DMD: variants seen among roughly 807,000 people sequenced by gnomAD.
DMD encodes mutant dystrophin.
DMD carries 63 observed loss-of-function variants against 330.1 expected under a neutral mutation model. The observed-to-expected ratio is 0.19, with a 90% CI of 0.16 to 0.24. The LOEUF is 0.24. DMD is among the 10% of genes least tolerant of loss of function. DMD has a pLI of 1.00. For missense variants in DMD, 3,344 were observed against 2,684.1 expected, an observed-to-expected ratio of 1.25 and a Z score of -5.43; for synonymous variants, 1,223 against 959.8, an observed-to-expected ratio of 1.27 and a Z score of -5.07.
intron 22 of DMD, among the ~76,000 whole-genome samples, 158 bp downstream of exon 22, chrX:32,472,006 T>C (rs1427999226): frequency 4.4e-5 from 5 of 112,713 alleles, no homozygotes; most frequent in African/African-American, 1.6e-4. Flanking sequence ...ATAGAGTATA[T>C]GCATAAATAA....
intron 60 of DMD, among the ~76,000 whole-genome samples, chrX:31,388,243 T>G (rs2060541151): frequency 9.1e-6 from 1 of 109,923 alleles, no homozygotes; most frequent in Admixed American, 9.8e-5. Flanking sequence ...GACCTCGTGA[T>G]CCACCCGCCT....
chrX:31,239,697 C>A (rs1055257451), intron 63 of DMD, among the ~76,000 whole-genome samples: 1 of 111,926 alleles, frequency 8.9e-6, no homozygotes, highest in African/African-American at 3.2e-5. Context: ...TTCCCAAAAG[C>A]AAGCAGGGTC....
At chrX:33,326,413 A>G (rs902378063) in intron 1 of DMD, among the ~76,000 whole-genome samples, 74 of 112,064 alleles carry the variant, frequency 6.6e-4, no homozygotes, top group African/African-American at 2.3e-3. Context: ...AGTAAAGAAG[A>G]GGCACTAGCT....
At chrX:31,613,082 A>G (rs1181976779) in intron 55 of DMD, among the ~76,000 whole-genome samples, 2 of 111,910 alleles carry the variant, frequency 1.8e-5, no homozygotes, top group East Asian at 5.6e-4. Context: ...GATAATGACT[A>G]CTTGCTGTTT....
chrX:32,753,320 GC>G (rs2071069145), intron 7 of DMD, among the ~76,000 whole-genome samples: 1 of 112,124 alleles, frequency 8.9e-6, no homozygotes, highest in African/African-American at 3.2e-5. Flanking sequence ...CAAGACATGA[GC>G]CTTTTCTTAT....
chrX:32,529,047 G>C (rs952342161), intron 17 of DMD, among the ~76,000 whole-genome samples: 3 of 105,820 alleles, frequency 2.8e-5, no homozygotes, highest in Non-Finnish European at 3.9e-5. Flanking sequence ...TCAGCCTCCC[G>C]AGTAGCTGGG....
chrX:32,305,634 C>T (rs1282811855), intron 42 of DMD, among the ~76,000 whole-genome samples: 1 of 111,467 alleles, frequency 9.0e-6, no homozygotes, highest in Non-Finnish European at 1.9e-5. Context: ...CTACTCTCAA[C>T]CCAGAAGCCA....
intron 61 of DMD, among the ~76,000 whole-genome samples, chrX:31,333,407 CTTTTTTTTTT>C (rs145925904): frequency 6.1e-4 from 24 of 39,340 alleles, no homozygotes; most frequent in Non-Finnish European, 9.7e-4. Flanking sequence ...CTGCCCCCGC[CTTTTTTTTTT>C]TTTTTTTTTT....
At chrX:32,762,617 G>C (rs982430680) in intron 7 of DMD, among the ~76,000 whole-genome samples, 21 of 110,966 alleles carry the variant, frequency 1.9e-4, no homozygotes, top group African/African-American at 6.9e-4. Flanking sequence ...GAGACCTTTC[G>C]GCTCAGACTG....
At chrX:31,490,136 T>C (rs1342557411) in intron 57 of DMD, among the ~76,000 whole-genome samples, 1 of 112,154 alleles carries the variant, frequency 8.9e-6, no homozygotes, top group Non-Finnish European at 1.9e-5. Context: ...ATCAAACTTA[T>C]ACAAAAATGA....
chrX:32,372,291 G>A (rs1307470261), intron 34 of DMD, among the ~76,000 whole-genome samples: 5 of 111,821 alleles, frequency 4.5e-5, no homozygotes, highest in African/African-American at 1.6e-4. Flanking sequence ...AATATCTTAT[G>A]TACATGGGAA....
At chrX:31,160,547 G>GT (rs1423947163) in intron 74 of DMD, among the ~76,000 whole-genome samples, 1 of 111,679 alleles carries the variant, frequency 9.0e-6, no homozygotes, top group Non-Finnish European at 1.9e-5. Context: ...CTTTACCAAA[G>GT]TGTGTTCCAT....
chrX:31,145,807 C>T (rs977879288), intron 76 of DMD, among the ~76,000 whole-genome samples: 24 of 110,534 alleles, frequency 2.2e-4, no homozygotes, highest in African/African-American at 7.9e-4. Context: ...GGACTATAGG[C>T]GCCCACCACC....
At chrX:31,163,991 G>A (rs1280661533) in intron 74 of DMD, among the ~76,000 whole-genome samples, 1 of 112,000 alleles carries the variant, frequency 8.9e-6, no homozygotes, top group Non-Finnish European at 1.9e-5. Context: ...CTCCAGAGCT[G>A]GAAACACCAC....
At chrX:32,152,452 G>A (rs2096809253) in intron 44 of DMD, among the ~76,000 whole-genome samples, 1 of 111,287 alleles carries the variant, frequency 9.0e-6, no homozygotes, top group Admixed American at 9.6e-5. Flanking sequence ...ATGCTCAAGG[G>A]TTTCATTAGA....
At chrX:32,686,866 T>C (rs2062921929) in intron 9 of DMD, among the ~76,000 whole-genome samples, 1 of 111,093 alleles carries the variant, frequency 9.0e-6, no homozygotes, top group South Asian at 3.8e-4. Context: ...AAAATAATTA[T>C]AATCCTTAAG....
intron 61 of DMD, among the ~76,000 whole-genome samples, chrX:31,328,561 G>C (rs1232757983): frequency 2.7e-5 from 3 of 110,985 alleles, no homozygotes; most frequent in African/African-American, 9.9e-5. Context: ...GAGGGAGCTG[G>C]ATATAGCAGA....
intron 59 of DMD, among the ~76,000 whole-genome samples, chrX:31,454,587 T>C (rs1352643663): frequency 2.7e-5 from 3 of 111,686 alleles, no homozygotes; most frequent in Admixed American, 9.5e-5. Flanking sequence ...CACAATAGTG[T>C]GCATCTCATT....
chrX:32,823,342 G>A lies in DMD; in HGVS notation c.310C>T (p.His104Tyr). Residue 104 changes from histidine (H) to tyrosine (Y), a missense_variant, in exon 5 of 79, where the codon CAT becomes TAT. Physicochemically the swap from His to Tyr is moderately conservative, Grantham distance 83 (BLOSUM62 2). Coordinates refer to ENST00000357033, the MANE Select transcript of DMD (RefSeq NM_004006.3). ...CAAATCAAACCAAGAGTCAGTTTAT[G>A]ATTTCCATCTACGATGTCAGTACTT... ...IGSTDIVDGN[H>Y]KLTLGLIWNI... 6 of 1,209,397 alleles carry A rather than the reference G, an allele frequency of 5.0e-6. No homozygotes were observed. Among genetic ancestry groups the A allele is most frequent in the Non-Finnish European group, 6.7e-6 (6 of 893,761 alleles).
Sources: allele counts gnomAD v4.1 joint callset (sites outside exome capture counted in the v4.1 genomes callset), GRCh38; gene constraint gnomAD v4.1.1; transcripts MANE v1.5; gene names NCBI Gene and HGNC (gene_info 2026-07-23, HGNC 2026-07-21).